Variants in PDK1 observed in about 807,000 individuals in gnomAD.
PDK1 encodes [Pyruvate dehydrogenase (acetyl-transferring)] kinase isozyme 1, mitochondrial.
In PDK1, 39 loss-of-function variants were observed where a neutral mutation model predicts 54.2. The ratio of observed to expected loss-of-function variants is 0.72; its 90% CI spans 0.56 to 0.94. The LOEUF (loss-of-function observed/expected upper bound fraction) is 0.94, where lower values mean the gene tolerates loss of function less well. Ranked by LOEUF, PDK1 falls within the 40% of genes least tolerant of loss-of-function variation. PDK1 has a pLI of 0.00. For missense variants in PDK1, 552 were observed against 566.0 expected, an observed-to-expected ratio of 0.98 and a Z score of 0.25; for synonymous variants, 221 against 207.1, an observed-to-expected ratio of 1.07 and a Z score of -0.58.
the PDK1 span, among the ~76,000 whole-genome samples, chr2:172,645,334 G>A: frequency 0.15 from 18,829 of 128,446 alleles, 1,497 homozygotes; most frequent in South Asian, 0.26. Context: ...GCAGTGGCAC[G>A]ATCTCGGCTC....
chr2:172,623,769 GA>G, the PDK1 span, among the ~76,000 whole-genome samples: 135 of 150,630 alleles, frequency 9.0e-4, no homozygotes, highest in African/African-American at 3.1e-3. Flanking sequence ...ATACAGATAT[GA>G]AAAAAAAATG....
At chr2:172,688,299 C>T in the PDK1 span, among the ~76,000 whole-genome samples, 6 of 150,580 alleles carry the variant, frequency 4.0e-5, no homozygotes, top group Non-Finnish European at 9.0e-5. Context: ...TGTGATCCCA[C>T]TCCCATACCT....
chr2:172,662,985 A>G, the PDK1 span, among the ~76,000 whole-genome samples: 1 of 152,194 alleles, frequency 6.6e-6, no homozygotes, highest in Non-Finnish European at 1.5e-5. Flanking sequence ...GACATATTCA[A>G]TGCATATTTG....
At chr2:172,617,423 CT>C in the PDK1 span, among the ~76,000 whole-genome samples, 1 of 152,162 alleles carries the variant, frequency 6.6e-6, no homozygotes, top group South Asian at 2.1e-4. Flanking sequence ...ACTGAGTAAT[CT>C]ATAGAGAATG....
chr2:172,670,573 C>T, the PDK1 span, among the ~76,000 whole-genome samples: 2 of 152,206 alleles, frequency 1.3e-5, no homozygotes, highest in East Asian at 3.9e-4. Flanking sequence ...AAATAGTGAA[C>T]ATTTTTTTCC....
chr2:172,678,570 C>G, the PDK1 span, among the ~76,000 whole-genome samples: 2,546 of 152,176 alleles, frequency 0.017, 28 homozygotes, highest in Middle Eastern at 0.044. Flanking sequence ...TTAACATTGC[C>G]TAATGCTTTT....
the PDK1 span, among the ~76,000 whole-genome samples, chr2:172,694,093 C>T: frequency 2.6e-5 from 4 of 152,294 alleles, no homozygotes; most frequent in Admixed American, 1.3e-4. Context: ...GGCATGGGGC[C>T]GGGAGACAGG....
At chr2:172,709,166 A>G in the PDK1 span, among the ~76,000 whole-genome samples, 1 of 152,194 alleles carries the variant, frequency 6.6e-6, no homozygotes, top group Non-Finnish European at 1.5e-5. Context: ...TGGATAAAAC[A>G]ATACATCTAC....
the PDK1 span, among the ~76,000 whole-genome samples, chr2:172,623,991 C>G: frequency 7.9e-5 from 12 of 152,058 alleles, no homozygotes; most frequent in African/African-American, 2.9e-4. Flanking sequence ...AGCTACTTAC[C>G]CCTGCCTTCT....
At chr2:172,700,070 G>T in the PDK1 span, among the ~76,000 whole-genome samples, 1 of 152,164 alleles carries the variant, frequency 6.6e-6, no homozygotes, top group South Asian at 2.1e-4. Flanking sequence ...GCACGGGGCT[G>T]GGGGCAAGGC....
At chr2:172,651,974 C>T in the PDK1 span, among the ~76,000 whole-genome samples, 2 of 152,178 alleles carry the variant, frequency 1.3e-5, no homozygotes, top group African/African-American at 4.8e-5. Flanking sequence ...TTTATGAGGC[C>T]AGAAACATCC....
chr2:172,558,357 C>G (rs1688465765), intron 1 of PDK1: 1 of 181,042 alleles, frequency 5.5e-6, no homozygotes, highest in South Asian at 1.7e-4. Context: ...ATAGACTTTT[C>G]CAGGTTCTGC....
intron 9 of PDK1, among the ~76,000 whole-genome samples, chr2:172,587,151 T>C (rs997319331): frequency 1.3e-5 from 2 of 152,188 alleles, no homozygotes; most frequent in African/African-American, 4.8e-5. Flanking sequence ...GTGTCCGGAA[T>C]TGGTGGGTTT....
At chr2:172,650,333 G>A in the PDK1 span, among the ~76,000 whole-genome samples, 4 of 152,308 alleles carry the variant, frequency 2.6e-5, no homozygotes, top group South Asian at 8.3e-4. Context: ...CCTGAAGGAA[G>A]CACTAAATAT....
chr2:172,651,972 G>T, the PDK1 span, among the ~76,000 whole-genome samples: 2 of 152,308 alleles, frequency 1.3e-5, no homozygotes, highest in African/African-American at 2.4e-5. Context: ...ATTTTATGAG[G>T]CCAGAAACAT....
the PDK1 span, among the ~76,000 whole-genome samples, chr2:172,703,388 AG>A: frequency 2.4e-4 from 37 of 152,194 alleles, no homozygotes; most frequent in African/African-American, 8.9e-4. Context: ...TTGTTACTGC[AG>A]CCACAGAAAA....
At chr2:172,706,267 CT>C in the PDK1 span, among the ~76,000 whole-genome samples, 208 of 142,644 alleles carry the variant, frequency 1.5e-3, 1 homozygote, top group Middle Eastern at 3.6e-3. Context: ...TTAGGATTGC[CT>C]TTTTTTTTTT....
chr2:172,677,118 C>T, the PDK1 span: 6 of 151,980 alleles, frequency 3.9e-5, no homozygotes, highest in African/African-American at 4.8e-5. Context: ...ATATGCACTG[C>T]GAAACAAAAA....
intron 1 of PDK1, among the ~76,000 whole-genome samples, chr2:172,557,397 T>C (rs1688393084): frequency 6.6e-6 from 1 of 152,208 alleles, no homozygotes; most frequent in Non-Finnish European, 1.5e-5. Flanking sequence ...TAAGACCTTT[T>C]AGTTTAATTT....
Sources: allele counts gnomAD v4.1 joint callset (sites outside exome capture counted in the v4.1 genomes callset), GRCh38; gene constraint gnomAD v4.1.1; transcripts MANE v1.5; gene names NCBI Gene and HGNC (gene_info 2026-07-23, HGNC 2026-07-21).